The following PLXNA4 variants were observed in gnomAD, a reference collection of about 807,000 sequenced individuals.
PLXNA4 encodes plexin A4.
A neutral mutation model predicts 191.8 loss-of-function variants in PLXNA4; 44 were observed. That is an observed-to-expected ratio of 0.23 (90% confidence interval 0.18 to 0.29). The LOEUF (loss-of-function observed/expected upper bound fraction) is 0.29. Among genes scored for constraint, PLXNA4 ranks in the 10% least tolerant of loss-of-function variants. The pLI, the probability that PLXNA4 is intolerant of heterozygous loss-of-function variation, is 1.00. For synonymous variants in PLXNA4, 1,082 were observed against 1,009.5 expected (o/e 1.07, Z -1.36); for missense variants, 1,800 against 2,488.8 (o/e 0.72, Z 5.89).
intron 4 of PLXNA4, among the ~76,000 whole-genome samples, chr7:132,281,297 A>G (rs1307692918): frequency 6.6e-6 from 1 of 152,182 alleles, no homozygotes; most frequent in Admixed American, 6.5e-5. Context: ...TGAATAAATC[A>G]AGATTTTTTT....
intron 3 of PLXNA4, among the ~76,000 whole-genome samples, chr7:132,480,779 C>A (rs1003193076): frequency 6.6e-6 from 1 of 152,212 alleles, no homozygotes; most frequent in African/African-American, 2.4e-5. Flanking sequence ...GGGATCCAAG[C>A]TCCAGCATAA....
chr7:132,145,377 G>A lies in PLXNA4; in HGVS notation c.5056-89C>T, dbSNP rs542835631. The A allele has an allele frequency of 2.9e-5, 45 of 1,569,382 alleles. No individual in the cohort carries two copies. In the South Asian group the frequency reaches 5.0e-4, roughly 17 times the overall value. On this transcript the variant is annotated intron_variant, in intron 28 of 31. Transcript: ENST00000321063. ...ACCTGCCTCACAGACCTAGGCAGGG[G>A]AGGATGGTATACAGCCCACCCTACT...
Position 132,189,006 on chromosome 7 carries a change from G to GGAAA in PLXNA4, c.2857-1400_2857-1399insTTTC, listed in dbSNP as rs1562908944. Among the ~76,000 whole-genome samples, 5 of 52,966 alleles carry GGAAA rather than the reference G, an allele frequency of 9.4e-5. No individual in the cohort carries two copies. In the East Asian group the frequency reaches 2.7e-3, roughly 28 times the overall value. 34.7% of individuals were successfully genotyped at this position (52,966 alleles called of 152,430 possible). A position where few individuals can be genotyped will look rare whatever the true frequency, so the allele number is the denominator to read the frequency against. On this transcript the variant is annotated intron_variant, in intron 14 of 31. Coordinates refer to ENST00000321063, the MANE Select transcript of PLXNA4 (RefSeq NM_020911.2). ...AAGGAAAGGAAAGGAGAGAGAGAGA[G>GGAAA]AGAGAGAGAGAGAGAGAGAGAGAAA...
chr7:132,613,362 C>A (rs559323846), intron 2 of PLXNA4, among the ~76,000 whole-genome samples: 1 of 152,218 alleles, frequency 6.6e-6, no homozygotes, highest in Non-Finnish European at 1.5e-5. Flanking sequence ...CCCTCCCCCC[C>A]GACATCTCCT....
chr7:132,526,135 A>G (rs975360780), intron 1 of PLXNA4, among the ~76,000 whole-genome samples: 2 of 152,218 alleles, frequency 1.3e-5, no homozygotes, highest in African/African-American at 4.8e-5. Context: ...CTTATTGAAA[A>G]GAAAACCCAA....
chr7:132,485,648 A>G (rs1007289852), intron 3 of PLXNA4, among the ~76,000 whole-genome samples: 6 of 152,186 alleles, frequency 3.9e-5, no homozygotes, highest in Admixed American at 3.9e-4. Context: ...ATTTTTACCT[A>G]TAGTGGAAAT....
At chr7:132,466,837 C>T (rs1048319154) in intron 3 of PLXNA4, among the ~76,000 whole-genome samples, 1 of 152,174 alleles carries the variant, frequency 6.6e-6, no homozygotes, top group African/African-American at 2.4e-5. Flanking sequence ...AGCCATCTAT[C>T]AAGAAGCTTA....
At chr7:132,268,593 G>A (rs1799942548) in intron 4 of PLXNA4, among the ~76,000 whole-genome samples, 2 of 152,158 alleles carry the variant, frequency 1.3e-5, no homozygotes, top group African/African-American at 4.8e-5. Context: ...GAGCAGAGGG[G>A]ATCACCCCAC....
At chr7:132,480,971 G>A (rs1797310341) in intron 3 of PLXNA4, among the ~76,000 whole-genome samples, 1 of 152,178 alleles carries the variant, frequency 6.6e-6, no homozygotes, top group African/African-American at 2.4e-5. Context: ...GGCTGAGCCA[G>A]GGACCTGAGT....
chr7:132,323,297 G>A (rs1563034968), intron 3 of PLXNA4, among the ~76,000 whole-genome samples: 1 of 152,210 alleles, frequency 6.6e-6, no homozygotes, highest in Non-Finnish European at 1.5e-5. Context: ...GAGAGACATG[G>A]GTGTGTTGAA....
At chr7:132,176,254 C>T (rs1179567148) in intron 20 of PLXNA4, among the ~76,000 whole-genome samples, 6 of 152,216 alleles carry the variant, frequency 3.9e-5, no homozygotes, top group African/African-American at 1.2e-4. Flanking sequence ...TGCACCCCTG[C>T]ACCTCTACAC....
At chr7:132,289,440 G>C (rs56122308) in intron 4 of PLXNA4, among the ~76,000 whole-genome samples, 39,315 of 152,164 alleles carry the variant, frequency 0.26, 5,225 homozygotes, top group Middle Eastern at 0.33. Context: ...ATATGTCACT[G>C]TTTCTTCATG....
At chr7:132,193,917 TA>T in intron 14 of PLXNA4, 144 bp downstream of exon 14, 2 of 1,059,394 alleles carry the variant, frequency 1.9e-6, no homozygotes, top group Non-Finnish European at 2.7e-6. Context: ...TCACTCACTA[TA>T]AGACAGGAGT....
chr7:132,559,400 T>G (rs1262524173), intron 1 of PLXNA4, among the ~76,000 whole-genome samples: 2 of 152,096 alleles, frequency 1.3e-5, no homozygotes, highest in African/African-American at 4.8e-5. Context: ...GAGAAGAGGG[T>G]AGATCCATCG....
intron 3 of PLXNA4, among the ~76,000 whole-genome samples, chr7:132,411,519 T>C (rs1794459846): frequency 6.6e-6 from 1 of 152,232 alleles, no homozygotes; most frequent in Admixed American, 6.5e-5. Flanking sequence ...ATTGCCATTG[T>C]TACGATTGTG....
At chr7:132,176,655 C>G (rs1247379467) in intron 20 of PLXNA4, among the ~76,000 whole-genome samples, 6 of 151,434 alleles carry the variant, frequency 4.0e-5, no homozygotes, top group African/African-American at 1.5e-4. Context: ...TAGGCATGTG[C>G]AAGTGTGAAT....
chr7:132,369,369 A>G (rs913087308), intron 3 of PLXNA4, among the ~76,000 whole-genome samples: 6 of 152,162 alleles, frequency 3.9e-5, no homozygotes, highest in Non-Finnish European at 7.3e-5. Flanking sequence ...GGCTTCCTGG[A>G]AAGGAGGTGA....
At chr7:132,222,649 G>C (rs1015077431) in intron 9 of PLXNA4, among the ~76,000 whole-genome samples, 1 of 152,180 alleles carries the variant, frequency 6.6e-6, no homozygotes, top group Non-Finnish European at 1.5e-5. Context: ...TCCAATATTG[G>C]CTGAGAGAGT....
rs556565937 is a variant in PLXNA4, at chr7:132,471,695, G to A, written c.1371+17597C>T. On this transcript the variant is annotated intron_variant, in intron 3 of 31. Coordinates refer to ENST00000321063, the MANE Select transcript of PLXNA4 (RefSeq NM_020911.2). ...GAGTTCCAAACATCACTTGTCAGAA[G>A]GATAGACCACAGATGCCTTGGAGTG... Among the ~76,000 whole-genome samples, 14 of 152,304 alleles carry A rather than the reference G, an allele frequency of 9.2e-5. 1 individual carries two copies. Among genetic ancestry groups the A allele is most frequent in the African/African-American group, 3.1e-4 (13 of 41,554 alleles).
Sources: gnomAD v4.1 joint callset for allele counts (sites outside exome capture counted in the v4.1 genomes callset) on GRCh38, gnomAD v4.1.1 for gene constraint, MANE v1.5 for transcripts, NCBI Gene and HGNC (gene_info 2026-07-23, HGNC 2026-07-21) for gene names.